CDC42BPA: variants seen among roughly 807,000 people sequenced by gnomAD.
The protein encoded by CDC42BPA is serine/threonine-protein kinase MRCK alpha.
In CDC42BPA, 80 loss-of-function variants were observed where a neutral mutation model predicts 223.5. The observed-to-expected ratio is 0.36, with a 90% CI of 0.30 to 0.43. CDC42BPA has a LOEUF of 0.43. Ranked by LOEUF, CDC42BPA falls within the 20% of genes least tolerant of loss-of-function variation. The pLI, the probability that CDC42BPA is intolerant of heterozygous loss-of-function variation, is 1.00. For missense variants in CDC42BPA, 1,743 were observed against 2,099.9 expected (o/e 0.83, Z 3.32); for synonymous variants, 694 against 718.6 (o/e 0.97, Z 0.55).
In CDC42BPA at chr1:227,028,927, C is replaced by A; in HGVS notation, c.4162G>T (p.Ala1388Ser). 1 of 1,614,006 alleles carries A rather than the reference C, an allele frequency of 6.2e-7. No individual in the cohort carries two copies. Among genetic ancestry groups the A allele is most frequent in the South Asian group, 1.1e-5 (1 of 91,074 alleles). ...ACACAGAGTTGTTCACTGAAGATTG[C>A]CATCCACTGGACATTATATGGGACT... Reference protein sequence around the residue: ...IQVPYNVQWMAIFSEQLCVGF... With the variant: ...IQVPYNVQWMSIFSEQLCVGF... Residue 1388 changes from alanine to serine, a missense_variant, in exon 30 of 37, where the codon GCA (alanine) becomes TCA (serine). Physicochemically the swap from Ala to Ser is moderately conservative, Grantham distance 99. Coordinates refer to ENST00000366766, the MANE Select transcript of CDC42BPA (RefSeq NM_001394014.1).
chr1:227,253,279 TGC>T (rs2148272085), intron 2 of CDC42BPA, among the ~76,000 whole-genome samples: 1 of 117,198 alleles, frequency 8.5e-6, no homozygotes, highest in Non-Finnish European at 1.9e-5. Context: ...CGCGCGCGCG[TGC>T]GCGTGCATGT....
At chr1:227,078,980 C>T (rs1044264206) in intron 17 of CDC42BPA, among the ~76,000 whole-genome samples, 7 of 151,970 alleles carry the variant, frequency 4.6e-5, no homozygotes, top group African/African-American at 1.2e-4. Flanking sequence ...AAAATACTTC[C>T]GGTCCCAAGC....
chr1:227,151,314 G>T (rs943146702), intron 6 of CDC42BPA, among the ~76,000 whole-genome samples: 11 of 152,300 alleles, frequency 7.2e-5, no homozygotes, highest in Admixed American at 7.2e-4. Context: ...CATCCATGTT[G>T]TAGCACGTGT....
At chr1:227,140,633 TTGTAAGAAGTTTGATTTGGAGTTAAAATA>T (rs1278565652) in intron 9 of CDC42BPA, among the ~76,000 whole-genome samples, 3 of 152,080 alleles carry the variant, frequency 2.0e-5, no homozygotes, top group Non-Finnish European at 4.4e-5. Context: ...ATGTAGGGCC[TTGTAAGAAGTTTGATTTGGAGTTAAAATA>T]TGAAGCCACT....
At chr1:227,216,033 C>T (rs1217188037) in intron 2 of CDC42BPA, among the ~76,000 whole-genome samples, 2 of 151,990 alleles carry the variant, frequency 1.3e-5, no homozygotes, top group Non-Finnish European at 1.5e-5. Flanking sequence ...GAAAAAATTA[C>T]TGAGGAATGT....
chr1:227,075,662 T>G (rs1679317632), intron 17 of CDC42BPA, among the ~76,000 whole-genome samples: 1 of 152,234 alleles, frequency 6.6e-6, no homozygotes. Flanking sequence ...GTGACTGTAA[T>G]CTTTTCATTT....
chr1:227,074,853 G>T (rs1324004484), intron 17 of CDC42BPA, among the ~76,000 whole-genome samples: 2 of 152,180 alleles, frequency 1.3e-5, no homozygotes, highest in East Asian at 3.9e-4. Flanking sequence ...TCTGTTTTCT[G>T]AAATGATCAA....
chr1:227,217,137 A>C (rs17613166), intron 2 of CDC42BPA, among the ~76,000 whole-genome samples: 1 of 152,042 alleles, frequency 6.6e-6, no homozygotes, highest in South Asian at 2.1e-4. Flanking sequence ...TTCATTCACC[A>C]TATCTCCTCT....
chr1:227,260,036 G>GA (rs34964140), intron 1 of CDC42BPA, among the ~76,000 whole-genome samples: 13,864 of 117,326 alleles, frequency 0.12, 895 homozygotes, highest in Middle Eastern at 0.2. Context: ...CCATTTTACA[G>GA]AAAAAAAAAA....
At chr1:227,167,928 T>C (rs922928754) in intron 5 of CDC42BPA, among the ~76,000 whole-genome samples, 11 of 65,708 alleles carry the variant, frequency 1.7e-4, no homozygotes, top group African/African-American at 7.5e-4. Flanking sequence ...TAAATTCTTC[T>C]GTTCTTTTTT....
intron 16 of CDC42BPA, among the ~76,000 whole-genome samples, chr1:227,083,842 G>A (rs753214060): frequency 6.6e-6 from 1 of 152,166 alleles, no homozygotes; most frequent in Non-Finnish European, 1.5e-5. Flanking sequence ...GGGTTCAACT[G>A]AAAGTTTGAA....
chr1:227,087,792 A>AT (rs1682281868), intron 16 of CDC42BPA, among the ~76,000 whole-genome samples: 2 of 152,202 alleles, frequency 1.3e-5, no homozygotes, highest in South Asian at 2.1e-4. Context: ...GCTTTTTAGT[A>AT]TTTTTTTAGA....
chr1:227,192,780 C>T (rs1669930656), intron 5 of CDC42BPA, among the ~76,000 whole-genome samples: 1 of 151,210 alleles, frequency 6.6e-6, no homozygotes, highest in East Asian at 1.9e-4. Flanking sequence ...ATAATTACTC[C>T]ATGAACATCA....
intron 21 of CDC42BPA, among the ~76,000 whole-genome samples, chr1:227,057,884 G>C (rs10799382): frequency 0.074 from 11,184 of 152,066 alleles, 455 homozygotes; most frequent in Admixed American, 0.11. Flanking sequence ...AAGTCTGCAA[G>C]GCAAGTGAGA....
rs777573285 is a variant in CDC42BPA, at chr1:227,030,030, G to A, written c.3838+378C>T. Reference sequence around the variant, plus strand: ...ATGCCTGTAATCCCAGCTACTGGGAGGCTGAGGCAGGAGAATCTCTTGAAC... The same window carrying A: ...ATGCCTGTAATCCCAGCTACTGGGAAGCTGAGGCAGGAGAATCTCTTGAAC... On this transcript the variant is annotated intron_variant, in intron 29 of 36. Transcript: ENST00000366766. 3.9e-5 allele frequency among the ~76,000 whole-genome samples: 6 copies of A among 152,192 alleles called. No individual in the cohort carries two copies. The South Asian group carries it at 8.3e-4, about 21-fold the overall frequency.
chr1:227,136,769 G>C (rs1302402295), intron 10 of CDC42BPA, among the ~76,000 whole-genome samples: 1 of 152,198 alleles, frequency 6.6e-6, no homozygotes, highest in Non-Finnish European at 1.5e-5. Flanking sequence ...AGAAAAAGCT[G>C]CCAAGCTAGA....
rs1466397304 is a variant in CDC42BPA, at chr1:227,114,510, A to T, written c.1648-1597T>A. Among the ~76,000 whole-genome samples, 9 of 152,112 alleles carry T rather than the reference A, an allele frequency of 5.9e-5. No individual in the cohort carries two copies. In the East Asian group the frequency reaches 1.7e-3, roughly 29 times the overall value. ...ATGCAAGAGAAATGAAGAGCTAATA[A>T]AATGGTTAACATGAATGTGAATGTA... On this transcript the variant is annotated intron_variant, in intron 12 of 36. Transcript: ENST00000366766.
At chr1:227,027,466 C>T (rs1668475877) in intron 30 of CDC42BPA, among the ~76,000 whole-genome samples, 1 of 152,158 alleles carries the variant, frequency 6.6e-6, no homozygotes, top group Non-Finnish European at 1.5e-5. Context: ...TGAATTTTGT[C>T]CTCTCTGGCC....
rs1001851082 is a variant in CDC42BPA, at chr1:227,083,281, AT to A, written c.2356-2265del. On this transcript the variant is annotated intron_variant, in intron 16 of 36. Transcript: ENST00000366766. ...CCCTGACTACACTTTAGTCTAAAAA[AT>A]TTTTTTTTAACATATGCAGTCCTTT... 1.2e-4 allele frequency among the ~76,000 whole-genome samples: 17 copies of A among 146,872 alleles called. 1 individual carries two copies. The highest frequency in any genetic ancestry group is 2.5e-4 in the African/African-American group (10 of 40,418).
Sources: gnomAD v4.1 joint callset for allele counts (sites outside exome capture counted in the v4.1 genomes callset) on GRCh38, gnomAD v4.1.1 for gene constraint, MANE v1.5 for transcripts, NCBI Gene and HGNC (gene_info 2026-07-23, HGNC 2026-07-21) for gene names.